NUMB: variants seen among roughly 807,000 people sequenced by gnomAD.
NUMB encodes protein numb homolog.
NUMB carries 29 observed loss-of-function variants against 59.7 expected under a neutral mutation model. The ratio of observed to expected loss-of-function variants is 0.49; its 90% CI spans 0.36 to 0.66. The LOEUF (loss-of-function observed/expected upper bound fraction) is 0.66. Among genes scored for constraint, NUMB ranks in the 30% least tolerant of loss-of-function variants. The pLI is 0.00. For missense variants in NUMB, 723 were observed against 822.0 expected (o/e 0.88, Z 1.47); for synonymous variants, 288 against 288.2 (o/e 1.00, Z 0.01).
chr14:73,348,763 T>G (rs997962005), intron 4 of NUMB, among the ~76,000 whole-genome samples: 1 of 152,214 alleles, frequency 6.6e-6, no homozygotes, highest in Non-Finnish European at 1.5e-5. Context: ...TCTAGCTGAT[T>G]TTATGACAAG....
At chr14:73,299,887 A>C (rs1424831577) in intron 6 of NUMB, among the ~76,000 whole-genome samples, 3 of 152,154 alleles carry the variant, frequency 2.0e-5, no homozygotes, top group Non-Finnish European at 1.5e-5. Flanking sequence ...GACAAATATG[A>C]GACTGAATTC....
chr14:73,404,025 G>A lies in NUMB; in HGVS notation c.-101+5912C>T, dbSNP rs142250028. Among the ~76,000 whole-genome samples, 609 of 151,122 alleles carry A rather than the reference G, an allele frequency of 4.0e-3. 3 individuals carry two copies. Among genetic ancestry groups the A allele is most frequent in the African/African-American group, 0.014 (582 of 41,136 alleles). On this transcript the variant is annotated intron_variant, in intron 2 of 12. Coordinates refer to ENST00000555238, the MANE Select transcript of NUMB (RefSeq NM_001005743.2). ...GAAGAATCACTTGAACCCCAGAGGC[G>A]GAGGTTGCAGTGAGCCGAAATCACC...
intron 2 of NUMB, among the ~76,000 whole-genome samples, chr14:73,394,421 A>AG (rs1896018542): frequency 3.3e-5 from 5 of 150,296 alleles, no homozygotes; most frequent in African/African-American, 1.2e-4. Flanking sequence ...AAAAAAAAAA[A>AG]AAGAGAGAGA....
Position 73,458,218 on chromosome 14 carries a change from T to A in NUMB, c.-233+275A>T, listed in dbSNP as rs935372614. ...CGCGCTAGACCGGAGCAGCTGGACG[T>A]CCCAAGGGACCTCCTGGCCTGACCC... On this transcript the variant is annotated intron_variant, in intron 1 of 12. Coordinates refer to ENST00000555238, the MANE Select transcript of NUMB (RefSeq NM_001005743.2). The A allele has an allele frequency of 1.4e-4, 22 of 152,374 alleles. 1 individual carries two copies. Among genetic ancestry groups the A allele is most frequent in the Admixed American group, 1.4e-3 (21 of 15,230 alleles). 9.4% of individuals were successfully genotyped at this position (152,374 alleles called of 1,614,324 possible). A position where few individuals can be genotyped will look rare whatever the true frequency, so the allele number is the denominator to read the frequency against.
intron 1 of NUMB, among the ~76,000 whole-genome samples, chr14:73,415,835 TTAG>T (rs1424819585): frequency 6.6e-6 from 1 of 152,052 alleles, no homozygotes; most frequent in Non-Finnish European, 1.5e-5. Context: ...TAAATGGATG[TTAG>T]TAGTAATTAT....
intron 1 of NUMB, among the ~76,000 whole-genome samples, chr14:73,420,713 G>A (rs1897316211): frequency 6.6e-6 from 1 of 152,014 alleles, no homozygotes; most frequent in Non-Finnish European, 1.5e-5. Flanking sequence ...CTGGCTACTT[G>A]GGAGGCTGAG....
chr14:73,425,707 G>C (rs559373136), intron 1 of NUMB, among the ~76,000 whole-genome samples: 2 of 151,938 alleles, frequency 1.3e-5, no homozygotes, highest in African/African-American at 4.8e-5. Context: ...TCAAGGCACT[G>C]TTCTAAGAAT....
intron 3 of NUMB, among the ~76,000 whole-genome samples, chr14:73,357,890 C>T (rs546898974): frequency 1.3e-3 from 189 of 140,676 alleles, no homozygotes; most frequent in African/African-American, 4.6e-3. Context: ...AGGCCCCCCC[C>T]AAAAAAAAAA....
Position 73,302,405 on chromosome 14 carries a change from CTTTT to C in NUMB, c.235-5124_235-5121del, listed in dbSNP as rs71112726. Among the ~76,000 whole-genome samples, 110 of 115,012 alleles carry C rather than the reference CTTTT, an allele frequency of 9.6e-4. 1 individual carries two copies. The South Asian group carries it at 0.021, about 22-fold the overall frequency. 75.5% of individuals were successfully genotyped at this position (115,012 alleles called of 152,430 possible). A position where few individuals can be genotyped will look rare whatever the true frequency, so the allele number is the denominator to read the frequency against. ...CTATAGTTGCAATACTTCCACATTTCTTTTTTTTTTTTTTTTTTTTGAGACGAGT... is the reference window on the plus strand; with the variant it reads ...CTATAGTTGCAATACTTCCACATTTCTTTTTTTTTTTTTTTTGAGACGAGT... On this transcript the variant is annotated intron_variant, in intron 6 of 12. Transcript: ENST00000555238.
chr14:73,401,847 G>T (rs892215519), intron 2 of NUMB, among the ~76,000 whole-genome samples: 1 of 151,858 alleles, frequency 6.6e-6, no homozygotes, highest in African/African-American at 2.4e-5. Flanking sequence ...GGGATTACAG[G>T]CGTGAGCCAC....
chr14:73,320,380 A>G (rs529727640), intron 5 of NUMB, among the ~76,000 whole-genome samples: 3 of 152,282 alleles, frequency 2.0e-5, no homozygotes, highest in East Asian at 3.9e-4. Flanking sequence ...AATCACCAAC[A>G]TATCTAAAAC....
Position 73,398,073 on chromosome 14 carries a change from T to C in NUMB, c.-101+11864A>G, listed in dbSNP as rs1896221415. On this transcript the variant is annotated intron_variant, in intron 2 of 12. Coordinates refer to ENST00000555238, the MANE Select transcript of NUMB (RefSeq NM_001005743.2). ...ATAGCCTAAGACAGCCTGCAATGCA[T>C]GTGCTATAAAACCCAGTTTCACAAA... Among the ~76,000 whole-genome samples the C allele has an allele frequency of 5.3e-5, 8 of 152,290 alleles. No homozygotes were observed. The South Asian group carries it at 1.7e-3, about 32-fold the overall frequency.
intron 2 of NUMB, among the ~76,000 whole-genome samples, chr14:73,406,398 T>A (rs904556801): frequency 6.6e-6 from 1 of 152,030 alleles, no homozygotes; most frequent in African/African-American, 2.4e-5. Flanking sequence ...TCCAGCTTCA[T>A]CCATGTCCCT....
At chr14:73,323,565 T>C (rs1187344380) in intron 4 of NUMB, among the ~76,000 whole-genome samples, 1 of 152,232 alleles carries the variant, frequency 6.6e-6, no homozygotes, top group Non-Finnish European at 1.5e-5. Context: ...ATCTGAAGCA[T>C]AATAGCCTGC....
At position 73,423,682 on chromosome 14, in the gene NUMB, C is replaced by T. The variant is rs574466882; in HGVS notation, c.-232-13614G>A. On this transcript the variant is annotated intron_variant, in intron 1 of 12. Transcript: ENST00000555238. The stretch of plus-strand genomic sequence containing the variant: ...AAAATTAGCCAGGCATGGTGGCACA[C>T]GCCTGTAATCCAAGCTACTTGGGAG... 1.2e-3 allele frequency among the ~76,000 whole-genome samples: 185 copies of T among 149,802 alleles called. 1 individual carries two copies. Among genetic ancestry groups the T allele is most frequent in the African/African-American group, 4.4e-3 (178 of 40,826 alleles).
chr14:73,416,330 T>G (rs1897126211), intron 1 of NUMB, among the ~76,000 whole-genome samples: 1 of 124,044 alleles, frequency 8.1e-6, no homozygotes, highest in African/African-American at 2.8e-5. Flanking sequence ...ACTTTTTCTT[T>G]TCTTTTTTTT....
intron 8 of NUMB, among the ~76,000 whole-genome samples, chr14:73,292,088 G>C (rs908003943): frequency 2.6e-5 from 4 of 152,054 alleles, no homozygotes; most frequent in South Asian, 2.1e-4. Context: ...ACCCAGGCTG[G>C]AGTGTAATGG....
chr14:73,393,878 CTTAATA>C (rs1487504517), intron 2 of NUMB, among the ~76,000 whole-genome samples: 2 of 152,260 alleles, frequency 1.3e-5, no homozygotes, highest in East Asian at 1.9e-4. Context: ...GCAAGTGGGT[CTTAATA>C]TTAATACTTT....
At chr14:73,312,713 C>CAAAA (rs544005367) in intron 6 of NUMB, among the ~76,000 whole-genome samples, 1 of 64,100 alleles carries the variant, frequency 1.6e-5, no homozygotes, top group Non-Finnish European at 3.5e-5. Flanking sequence ...GACCCTGTCT[C>CAAAA]AAAAAAAAAA....
Sources: gnomAD v4.1 joint callset for allele counts (sites outside exome capture counted in the v4.1 genomes callset) on GRCh38, gnomAD v4.1.1 for gene constraint, MANE v1.5 for transcripts, NCBI Gene and HGNC (gene_info 2026-07-23, HGNC 2026-07-21) for gene names.